TRIM33: variants seen among roughly 807,000 people sequenced by gnomAD.
TRIM33 encodes the protein E3 ubiquitin-protein ligase TRIM33.
A neutral mutation model predicts 125.4 loss-of-function variants in TRIM33; 20 were observed. The ratio of observed to expected loss-of-function variants is 0.16; its 90% confidence interval spans 0.11 to 0.23. TRIM33 has a LOEUF of 0.23. Among genes scored for constraint, TRIM33 ranks in the 10% least tolerant of loss-of-function variants. TRIM33 has a pLI of 1.00. For missense variants in TRIM33, 920 were observed against 1,411.4 expected, an observed-to-expected ratio of 0.65 and a Z score of 5.58; for synonymous variants, 564 against 513.9, an observed-to-expected ratio of 1.10 and a Z score of -1.32.
intron 1 of TRIM33, among the ~76,000 whole-genome samples, chr1:114,502,710 T>G (rs1652785814): frequency 6.6e-6 from 1 of 151,886 alleles, no homozygotes; most frequent in Admixed American, 6.6e-5. Flanking sequence ...TCTCACTATA[T>G]TCCCCAGGCT....
At chr1:114,498,001 G>A (rs530815899) in intron 1 of TRIM33, among the ~76,000 whole-genome samples, 4 of 151,870 alleles carry the variant, frequency 2.6e-5, no homozygotes, top group South Asian at 2.1e-4. Context: ...AGTGGTACAC[G>A]TCTATAATTC....
Position 114,432,398 on chromosome 1 carries a change from C to T in TRIM33, c.1040+1219G>A, listed in dbSNP as rs372149317. 5.0e-4 allele frequency among the ~76,000 whole-genome samples: 76 copies of T among 152,264 alleles called. 2 individuals carry two copies. In the South Asian group the frequency reaches 0.015, roughly 30 times the overall value. The stretch of plus-strand genomic sequence containing the variant: ...ACCAGTTTAACCTAAAACAACTGAA[C>T]ATTTCCAAAAACAAAAACCCACCAA... On this transcript the variant is annotated intron_variant, in intron 5 of 19. Coordinates refer to ENST00000358465, the MANE Select transcript of TRIM33 (RefSeq NM_015906.4).
At chr1:114,493,982 G>A (rs1410359692) in intron 1 of TRIM33, among the ~76,000 whole-genome samples, 4 of 151,882 alleles carry the variant, frequency 2.6e-5, no homozygotes, top group African/African-American at 7.3e-5. Context: ...GCACCACCAC[G>A]CCCAGCTCAT....
chr1:114,506,978 T>G (rs770100451), intron 1 of TRIM33, among the ~76,000 whole-genome samples: 2 of 152,236 alleles, frequency 1.3e-5, no homozygotes, highest in Non-Finnish European at 2.9e-5. Flanking sequence ...AGCATTTTAA[T>G]AAGCTCTCTA....
intron 1 of TRIM33, among the ~76,000 whole-genome samples, chr1:114,500,824 T>C (rs568912542): frequency 1.3e-5 from 2 of 152,236 alleles, no homozygotes; most frequent in East Asian, 3.9e-4. Context: ...CAGTTATCTA[T>C]TGCTATGTAA....
intron 6 of TRIM33, 51 bp downstream of exon 6, chr1:114,430,747 G>T (rs878926441): frequency 1.0e-6 from 1 of 956,922 alleles, no homozygotes. Context: ...ATTAAAAACA[G>T]CTAAAGAGCA....
chr1:114,433,497 C>T, intron 5 of TRIM33, 120 bp downstream of exon 5: 7 of 583,254 alleles, frequency 1.2e-5, no homozygotes, highest in African/African-American at 3.7e-5. Flanking sequence ...AAATTCATAC[C>T]ATTTCCCCCT....
chr1:114,489,553 G>A (rs1417538319), intron 1 of TRIM33, among the ~76,000 whole-genome samples: 1 of 151,972 alleles, frequency 6.6e-6, no homozygotes, highest in African/African-American at 2.4e-5. Context: ...AGACCAGCCT[G>A]GGCAACACAG....
intron 1 of TRIM33, among the ~76,000 whole-genome samples, chr1:114,481,456 T>C (rs1651326368): frequency 6.6e-6 from 1 of 151,404 alleles, no homozygotes; most frequent in Non-Finnish European, 1.5e-5. Flanking sequence ...TTGGGTGCGG[T>C]GGCACACGCC....
chr1:114,465,356 T>C (rs1388840695), intron 1 of TRIM33, among the ~76,000 whole-genome samples: 1 of 152,218 alleles, frequency 6.6e-6, no homozygotes, highest in Non-Finnish European at 1.5e-5. Flanking sequence ...TCAAGAAGGA[T>C]TCTAGATTAG....
chr1:114,503,326 C>T (rs1167335491), intron 1 of TRIM33, among the ~76,000 whole-genome samples: 1 of 151,958 alleles, frequency 6.6e-6, no homozygotes, highest in Admixed American at 6.6e-5. Context: ...ACTAAAAATA[C>T]AAAAATTAGC....
At chr1:114,490,031 G>A (rs1331840055) in intron 1 of TRIM33, among the ~76,000 whole-genome samples, 11 of 134,906 alleles carry the variant, frequency 8.2e-5, no homozygotes, top group Admixed American at 5.8e-4. Flanking sequence ...CAGGAAGATT[G>A]TTAGGGCCCA....
chr1:114,505,628 C>T (rs111998418), intron 1 of TRIM33, among the ~76,000 whole-genome samples: 3,534 of 152,290 alleles, frequency 0.023, 131 homozygotes, highest in African/African-American at 0.08. Context: ...AGTGCAGTGG[C>T]GTGATCTCAG....
At chr1:114,451,698 C>T (rs1327012103) in intron 4 of TRIM33, among the ~76,000 whole-genome samples, 2 of 152,100 alleles carry the variant, frequency 1.3e-5, no homozygotes, top group Admixed American at 1.3e-4. Flanking sequence ...AATAGCTAAA[C>T]TGTTATTGAG....
chr1:114,474,578 TAAAAAA>T (rs34473575), intron 1 of TRIM33, among the ~76,000 whole-genome samples: 2 of 78,980 alleles, frequency 2.5e-5, no homozygotes, highest in Non-Finnish European at 4.7e-5. Context: ...TGTCTCTATT[TAAAAAA>T]AAAAAAAAAA....
rs1157827000 is a variant in TRIM33 at position 114,393,688 on chromosome 1, C to T, written c.*3960G>A. 2.3e-5 allele frequency: 5 copies of T among 212,984 alleles called. No homozygotes were observed. Among genetic ancestry groups the T allele is most frequent in the East Asian group, 7.0e-5 (1 of 14,208 alleles). The allele number at this position is 212,984 out of a possible 1,614,324, so 13.2% of individuals were successfully genotyped here. On this transcript the variant is annotated 3_prime_UTR_variant, in exon 20 of 20. Coordinates refer to ENST00000358465, the MANE Select transcript of TRIM33 (RefSeq NM_015906.4). ...AAAGAAACCATTATATTCAAGAGTA[C>T]GTGTTGAATCTGAAATGTCTATGTA...
At chr1:114,461,998 C>T (rs978686927) in intron 4 of TRIM33, among the ~76,000 whole-genome samples, 2 of 152,100 alleles carry the variant, frequency 1.3e-5, no homozygotes, top group African/African-American at 2.4e-5. Flanking sequence ...ATTCTCTATA[C>T]CCTATGGAAG....
At chr1:114,506,379 G>T (rs1570690716) in intron 1 of TRIM33, among the ~76,000 whole-genome samples, 1 of 116,690 alleles carries the variant, frequency 8.6e-6, no homozygotes. Flanking sequence ...GTAAAAAACT[G>T]TCTCAAAAAA....
At chr1:114,418,624 A>C (rs1038648741) in intron 11 of TRIM33, among the ~76,000 whole-genome samples, 3 of 152,190 alleles carry the variant, frequency 2.0e-5, no homozygotes, top group Admixed American at 6.5e-5. Context: ...ACTGCCAGCC[A>C]TTACTCTGGA....
Sources: gnomAD v4.1 joint callset for allele counts (sites outside exome capture counted in the v4.1 genomes callset) on GRCh38, gnomAD v4.1.1 for gene constraint, MANE v1.5 for transcripts, NCBI Gene and HGNC (gene_info 2026-07-23, HGNC 2026-07-21) for gene names.